The following RRBP1 variants were observed in gnomAD, a reference collection of about 807,000 sequenced individuals.
RRBP1 encodes the protein ribosome binding protein 1.
A neutral mutation model predicts 165.2 loss-of-function variants in RRBP1; 94 were observed. That is an observed-to-expected ratio of 0.57 (90% CI 0.48 to 0.68). RRBP1 has a LOEUF of 0.68. Ranked by LOEUF, RRBP1 falls within the 30% of genes least tolerant of loss-of-function variation. The pLI, the probability that RRBP1 is intolerant of heterozygous loss-of-function variation, is 0.00. For missense variants in RRBP1, 1,676 were observed against 1,763.0 expected, an observed-to-expected ratio of 0.95 and a Z score of 0.88; for synonymous variants, 680 against 714.5, an observed-to-expected ratio of 0.95 and a Z score of 0.77.
chr20:17,628,807 G>A (rs776866354), intron 9 of RRBP1, among the ~76,000 whole-genome samples: 7 of 152,206 alleles, frequency 4.6e-5, no homozygotes, highest in South Asian at 2.1e-4. Context: ...AGCAGGGGCC[G>A]GGAAGCTGGG....
chr20:17,667,801 T>C (rs1249416052), intron 2 of RRBP1, among the ~76,000 whole-genome samples: 1 of 152,226 alleles, frequency 6.6e-6, no homozygotes, highest in Non-Finnish European at 1.5e-5. Context: ...CCAAAGTACA[T>C]CCTTGAGTAG....
intron 2 of RRBP1, among the ~76,000 whole-genome samples, chr20:17,677,068 GA>G (rs11477613): frequency 0.47 from 66,066 of 141,204 alleles, 15,672 homozygotes; most frequent in East Asian, 0.61. Context: ...AGATTTTAGT[GA>G]AAAAAAAAAA....
chr20:17,616,486 T>C lies in RRBP1; in HGVS notation c.3867+246A>G, dbSNP rs1326424605. ...GAGCCCTGTAGGTGCAGACCCCAAA[T>C]CACGGACTCCCTCTTCGAGTCCCAC... is the stretch of plus-strand genomic sequence containing the variant. On this transcript the variant is annotated intron_variant, in intron 21 of 24. Coordinates refer to ENST00000377813, the MANE Select transcript of RRBP1 (RefSeq NM_001365613.2). 2.0e-5 allele frequency among the ~76,000 whole-genome samples: 3 copies of C among 151,996 alleles called. No individual in the cohort carries two copies. In the East Asian group the frequency reaches 5.8e-4, roughly 29 times the overall value.
intron 11 of RRBP1, 114 bp downstream of exon 11, chr20:17,627,234 A>G (rs2036043051): frequency 2.0e-6 from 2 of 1,021,992 alleles, no homozygotes; most frequent in South Asian, 3.3e-5. Context: ...AGCCTCTGAA[A>G]GGGGCTCTTC....
At chr20:17,625,332 G>A (rs149663765) in intron 12 of RRBP1, among the ~76,000 whole-genome samples, 180 bp downstream of exon 12, 9 of 152,164 alleles carry the variant, frequency 5.9e-5, no homozygotes, top group Non-Finnish European at 8.8e-5. Flanking sequence ...GGTCTTTGGC[G>A]GAACTCAGGG....
intron 17 of RRBP1, 171 bp downstream of exon 17, chr20:17,620,544 G>C (rs931454511): frequency 1.2e-6 from 1 of 805,604 alleles, no homozygotes; most frequent in Non-Finnish European, 2.1e-6. Context: ...CTAGGCGGGG[G>C]CCTCCTGGAG....
intron 7 of RRBP1, 48 bp downstream of exon 7, chr20:17,635,498 C>T (rs183842745): frequency 1.3e-5 from 19 of 1,412,732 alleles, no homozygotes; most frequent in African/African-American, 1.2e-4. Flanking sequence ...AAGCCTTCCT[C>T]GCTCCAGGGC....
In RRBP1 at chr20:17,659,879, T is replaced by C. The variant is rs75727664; in HGVS notation, c.629A>G (p.Lys210Arg). 1,252 of 1,552,704 alleles carry C rather than the reference T, an allele frequency of 8.1e-4. 16 individuals are homozygous for C. The African/African-American group carries it at 0.015, about 18-fold the overall frequency. Residue 210 changes from lysine to arginine, a missense_variant, in exon 3 of 25, where the codon AAA becomes AGA. Physicochemically the swap from Lys to Arg is conservative, Grantham distance 26. This residue lies in a region of RRBP1 where 392 missense variants were observed against 382.5 expected (regional missense o/e 1.02). Transcript: ENST00000377813. The part of the protein sequence containing the change: ...KKAEGTQNQS[K>R]KAEGAPNQGR... Reference sequence around the variant, plus strand: ...CTGGTTTGGGGCTCCTTCAGCCTTTTTGCTTTGATTCTGAGTCCCCTCCGC... The same window carrying C: ...CTGGTTTGGGGCTCCTTCAGCCTTTCTGCTTTGATTCTGAGTCCCCTCCGC...
chr20:17,622,125 AG>A (rs2035928445), intron 13 of RRBP1, among the ~76,000 whole-genome samples, 178 bp from the exon 14 acceptor site: 1 of 152,200 alleles, frequency 6.6e-6, no homozygotes, highest in African/African-American at 2.4e-5. Context: ...CTGTAAGCAG[AG>A]GGGTTACCCA....
At chr20:17,677,465 G>A (rs891296394) in intron 2 of RRBP1, among the ~76,000 whole-genome samples, 1 of 152,128 alleles carries the variant, frequency 6.6e-6, no homozygotes, top group African/African-American at 2.4e-5. Context: ...ATTCTTTACA[G>A]AGTACTAATA....
rs762838069 is a variant in RRBP1 at position 17,657,232 on chromosome 20, C to T, written c.1912+1364G>A. ...GCTGAGGCCAGAGCGTCTGGGTTTT[C>T]AAAGGGCTTTCAAGGCCACCTGATC... On this transcript the variant is annotated intron_variant, in intron 3 of 24. Coordinates refer to ENST00000377813, the MANE Select transcript of RRBP1 (RefSeq NM_001365613.2). 1.2e-3 allele frequency among the ~76,000 whole-genome samples: 180 copies of T among 152,386 alleles called. 1 individual carries two copies. The highest frequency in any genetic ancestry group is 2.2e-3 in the Non-Finnish European group (147 of 68,040).
In RRBP1 at chr20:17,627,609, C is replaced by T. The variant is rs773778530; in HGVS notation, c.2823G>A (p.Gly941=). ...TCTCCGCCCTGGCCTCCTGGAGCTGCCCGTGGAGGCCACTCAGCTCCTCGC... is the reference window on the plus strand; with the variant it reads ...TCTCCGCCCTGGCCTCCTGGAGCTGTCCGTGGAGGCCACTCAGCTCCTCGC... ...SKCEELSGLH[G]QLQEARAENS... The change falls in exon 10 of 25, where the codon GGG becomes GGA. Residue 941 remains glycine (G), a synonymous_variant. Coordinates refer to ENST00000377813, the MANE Select transcript of RRBP1 (RefSeq NM_001365613.2). The T allele has an allele frequency of 2.4e-5, 39 of 1,613,352 alleles. No individual in the cohort carries two copies. Among genetic ancestry groups the T allele is most frequent in the Admixed American group, 3.3e-5 (2 of 59,976 alleles).
intron 6 of RRBP1, 33 bp from the exon 7 acceptor site, chr20:17,635,697 G>C: frequency 6.5e-7 from 1 of 1,541,310 alleles, no homozygotes; most frequent in Non-Finnish European, 9.0e-7. Flanking sequence ...ATCAGAGGCA[G>C]CTCGGCCTCA....
chr20:17,630,091 G>C (rs2036119567), intron 8 of RRBP1, 130 bp from the exon 9 acceptor site: 2 of 953,594 alleles, frequency 2.1e-6, no homozygotes, highest in African/African-American at 1.6e-5. Flanking sequence ...ATGTGGGAAG[G>C]AAATGCATCC....
chr20:17,650,927 AC>A (rs1489511699), intron 3 of RRBP1, among the ~76,000 whole-genome samples: 1 of 152,188 alleles, frequency 6.6e-6, no homozygotes, highest in East Asian at 1.9e-4. Context: ...GCATACACAC[AC>A]GTCTTGTGTT....
chr20:17,620,562 T>C (rs1165234516), intron 17 of RRBP1, 153 bp downstream of exon 17: 1 of 792,368 alleles, frequency 1.3e-6, no homozygotes, highest in Non-Finnish European at 2.2e-6. Flanking sequence ...GAGGACGGAC[T>C]GAGCTGTCAT....
chr20:17,621,377 AC>A, intron 16 of RRBP1, 80 bp downstream of exon 16: 1 of 1,062,322 alleles, frequency 9.4e-7, no homozygotes, highest in South Asian at 1.3e-5. Context: ...ACACCAGGCC[AC>A]CTCCTGCCCC....
chr20:17,680,133 A>G (rs369012121), intron 1 of RRBP1, 58 bp from the exon 2 acceptor site: 5 of 152,242 alleles, frequency 3.3e-5, no homozygotes, highest in African/African-American at 7.2e-5. Flanking sequence ...AAGTTCGTAA[A>G]CGAGTCAAGA....
chr20:17,669,651 T>C (rs2122490654), intron 2 of RRBP1, among the ~76,000 whole-genome samples: 1 of 152,302 alleles, frequency 6.6e-6, no homozygotes, highest in East Asian at 1.9e-4. Flanking sequence ...AGATGGGAAA[T>C]AATACACACC....
Sources: allele counts gnomAD v4.1 joint callset (sites outside exome capture counted in the v4.1 genomes callset), GRCh38; gene constraint gnomAD v4.1.1; regional missense constraint gnomAD v4.1.1; transcripts MANE v1.5; gene names NCBI Gene and HGNC (gene_info 2026-07-23, HGNC 2026-07-21).